The following RBMS3 variants were observed in gnomAD, a reference collection of about 807,000 sequenced individuals.
RBMS3 encodes RNA binding motif single stranded interacting protein 3.
In RBMS3, 27 loss-of-function variants were observed where a neutral mutation model predicts 66.8. That is an observed-to-expected ratio of 0.40 (90% CI 0.30 to 0.56). RBMS3 has a LOEUF of 0.56. Ranked by LOEUF, RBMS3 falls within the 20% of genes least tolerant of loss-of-function variation. RBMS3 has a pLI of 0.40. For missense variants in RBMS3, 513 were observed against 549.5 expected, an observed-to-expected ratio of 0.93 and a Z score of 0.66; for synonymous variants, 188 against 183.0, an observed-to-expected ratio of 1.03 and a Z score of -0.22.
At chr3:29,893,824 A>G (rs895161418) in intron 8 of RBMS3, among the ~76,000 whole-genome samples, 1 of 151,396 alleles carries the variant, frequency 6.6e-6, no homozygotes, top group Non-Finnish European at 1.5e-5. Flanking sequence ...TACCTCTTTC[A>G]GGGACCCTTC....
intron 1 of RBMS3, among the ~76,000 whole-genome samples, chr3:29,405,460 C>T (rs1253218085): frequency 1.3e-5 from 2 of 151,018 alleles, no homozygotes; most frequent in Non-Finnish European, 2.9e-5. Context: ...ATATTCTTGC[C>T]TGTATATTAT....
chr3:29,352,117 A>G (rs1164469338), intron 1 of RBMS3, among the ~76,000 whole-genome samples: 1 of 152,068 alleles, frequency 6.6e-6, no homozygotes, highest in Admixed American at 6.6e-5. Context: ...TCCAAAAAAG[A>G]GTATTAAAAA....
rs60666735 is a variant in RBMS3, at chr3:29,621,920, T to G, written c.399+34715T>G. On this transcript the variant is annotated intron_variant, in intron 4 of 14. Coordinates refer to ENST00000383767, the MANE Select transcript of RBMS3 (RefSeq NM_001003793.3). ...TGCCTAATCTAGTCTTCGCTTTTGCTGTAGGAGAATCTACATATACTTGTG... is the reference window on the plus strand; with the variant it reads ...TGCCTAATCTAGTCTTCGCTTTTGCGGTAGGAGAATCTACATATACTTGTG... 5.3e-5 allele frequency among the ~76,000 whole-genome samples: 8 copies of G among 152,336 alleles called. No homozygotes were observed. In the East Asian group the frequency reaches 1.5e-3, roughly 29 times the overall value.
intron 6 of RBMS3, among the ~76,000 whole-genome samples, chr3:29,798,950 T>G (rs569759087): frequency 7.4e-6 from 1 of 134,780 alleles, no homozygotes; most frequent in Non-Finnish European, 1.6e-5. Context: ...TTTTTTTTTG[T>G]AATCACAAGG....
intron 10 of RBMS3, chr3:29,925,153 A>C (rs2060901037): frequency 1.3e-5 from 2 of 152,222 alleles, no homozygotes; most frequent in African/African-American, 2.4e-5. Flanking sequence ...TTAAAACTTT[A>C]ATTTTTAAAC....
chr3:29,737,538 C>G (rs2054435871), intron 4 of RBMS3, among the ~76,000 whole-genome samples: 1 of 152,064 alleles, frequency 6.6e-6, no homozygotes, highest in South Asian at 2.1e-4. Context: ...TCTCCATTTC[C>G]TCATTATCCA....
intron 1 of RBMS3, among the ~76,000 whole-genome samples, chr3:29,427,931 C>T (rs940236583): frequency 6.6e-6 from 1 of 152,100 alleles, no homozygotes; most frequent in Non-Finnish European, 1.5e-5. Context: ...TTAAAATTCT[C>T]TTTGTAAAGA....
intron 4 of RBMS3, among the ~76,000 whole-genome samples, chr3:29,716,548 C>T (rs918885338): frequency 1.3e-5 from 2 of 152,086 alleles, no homozygotes; most frequent in Non-Finnish European, 2.9e-5. Flanking sequence ...CTTTTCTGTG[C>T]AAGAGTGTTA....
At chr3:29,795,283 A>G (rs1025972347) in intron 6 of RBMS3, among the ~76,000 whole-genome samples, 1 of 152,222 alleles carries the variant, frequency 6.6e-6, no homozygotes, top group African/African-American at 2.4e-5. Context: ...GGAAGCCAGT[A>G]ACCCTGGGAA....
chr3:29,576,710 C>G (rs1381520080), intron 3 of RBMS3, among the ~76,000 whole-genome samples: 1 of 152,126 alleles, frequency 6.6e-6, no homozygotes, highest in Non-Finnish European at 1.5e-5. Context: ...AAAGTTCTTT[C>G]CACTCTTCCC....
intron 6 of RBMS3, among the ~76,000 whole-genome samples, chr3:29,800,680 A>G (rs1576843082): frequency 1.3e-5 from 2 of 152,314 alleles, no homozygotes; most frequent in South Asian, 4.1e-4. Flanking sequence ...CTGAGGATCC[A>G]GAACAATTTC....
intron 1 of RBMS3, among the ~76,000 whole-genome samples, chr3:29,428,389 A>G (rs972924233): frequency 1.3e-5 from 2 of 152,158 alleles, no homozygotes; most frequent in African/African-American, 2.4e-5. Context: ...CCAAAATGTG[A>G]GTGGTGCCAA....
intron 6 of RBMS3, among the ~76,000 whole-genome samples, chr3:29,814,330 C>G (rs1287354022): frequency 1.3e-5 from 2 of 152,164 alleles, no homozygotes; most frequent in Non-Finnish European, 2.9e-5. Flanking sequence ...AGGGATGAAG[C>G]CCACTCGATC....
chr3:29,685,761 G>A (rs1440496), intron 4 of RBMS3, among the ~76,000 whole-genome samples: 81,479 of 151,986 alleles, frequency 0.54, 21,968 homozygotes, highest in African/African-American at 0.57. Context: ...GACATATCTA[G>A]GACATCCCTG....
chr3:29,805,426 T>G (rs560566965), intron 6 of RBMS3, among the ~76,000 whole-genome samples: 1 of 152,184 alleles, frequency 6.6e-6, no homozygotes, highest in East Asian at 1.9e-4. Context: ...AAAAAGTAAT[T>G]GTAAATAGCC....
intron 1 of RBMS3, among the ~76,000 whole-genome samples, chr3:29,342,044 G>A (rs1196157374): frequency 6.6e-6 from 1 of 152,140 alleles, no homozygotes; most frequent in African/African-American, 2.4e-5. Context: ...GATACAGTTG[G>A]AGTAGCTGGT....
intron 2 of RBMS3, among the ~76,000 whole-genome samples, chr3:29,477,566 T>C (rs1214119747): frequency 1.3e-5 from 2 of 152,130 alleles, no homozygotes; most frequent in African/African-American, 2.4e-5. Context: ...ACAGTACTAA[T>C]AAAATACAGC....
chr3:29,675,969 T>C (rs1292855483), intron 4 of RBMS3, among the ~76,000 whole-genome samples: 51 of 152,228 alleles, frequency 3.4e-4, no homozygotes, highest in Admixed American at 3.3e-3. Context: ...TAAAGACACA[T>C]GCACACATAT....
intron 3 of RBMS3, among the ~76,000 whole-genome samples, chr3:29,494,531 A>C (rs1378258807): frequency 6.6e-6 from 1 of 152,202 alleles, no homozygotes; most frequent in Non-Finnish European, 1.5e-5. Flanking sequence ...TGAAAAACAG[A>C]CCACAGTTCT....
Sources: allele counts gnomAD v4.1 joint callset (sites outside exome capture counted in the v4.1 genomes callset), GRCh38; gene constraint gnomAD v4.1.1; transcripts MANE v1.5; gene names NCBI Gene and HGNC (gene_info 2026-07-23, HGNC 2026-07-21).